The following ELF5 variants were observed in gnomAD, a reference collection of about 807,000 sequenced individuals.
ELF5 encodes ETS-related transcription factor Elf-5.
In ELF5, 31 loss-of-function variants were observed where a neutral mutation model predicts 38.2. That is an observed-to-expected ratio of 0.81 (90% CI 0.61 to 1.10). The LOEUF (loss-of-function observed/expected upper bound fraction) is 1.10. Ranked by LOEUF, ELF5 falls within the 50% of genes least tolerant of loss-of-function variation. The pLI is 0.00. For missense variants in ELF5, 300 were observed against 306.6 expected, an observed-to-expected ratio of 0.98 and a Z score of 0.16; for synonymous variants, 121 against 112.5, an observed-to-expected ratio of 1.08 and a Z score of -0.48.
At chr11:34,507,620 C>T (rs1378558777) in intron 1 of ELF5, among the ~76,000 whole-genome samples, 1 of 152,246 alleles carries the variant, frequency 6.6e-6, no homozygotes, top group Admixed American at 6.5e-5. Context: ...CTCAACTTTG[C>T]TGCTTCCCAT....
At chr11:34,482,544 A>T (rs767640741) in intron 4 of ELF5, 45 bp from the exon 5 acceptor site, 1 of 1,503,468 alleles carries the variant, frequency 6.7e-7, no homozygotes, top group South Asian at 1.2e-5. Flanking sequence ...TATAGAGGCC[A>T]CATTCAGACC....
chr11:34,507,235 AGAC>A (rs1244408636), intron 1 of ELF5, among the ~76,000 whole-genome samples: 1 of 152,224 alleles, frequency 6.6e-6, no homozygotes, highest in African/African-American at 2.4e-5. Context: ...AAGGTTTTGG[AGAC>A]GAGTGTGGAC....
intron 3 of ELF5, among the ~76,000 whole-genome samples, chr11:34,490,846 C>T (rs1850152069): frequency 6.6e-6 from 1 of 152,108 alleles, no homozygotes; most frequent in South Asian, 2.1e-4. Flanking sequence ...TGGTTTTGGT[C>T]AGCCACGCGC....
At position 34,505,725 on chromosome 11, in the gene ELF5, T is replaced by C. The variant is rs781665846; in HGVS notation, c.25A>G (p.Thr9Ala). Residue 9 changes from threonine to alanine, a missense_variant, in exon 2 of 7, where the codon ACC becomes GCC. By Grantham distance (58) the Thr-to-Ala change is moderately conservative. Coordinates refer to ENST00000257832, the MANE Select transcript of ELF5 (RefSeq NM_001422.4). ...CAGAAGGATGCATTAGGCAGGAAGG[T>C]GCTGTGTGTCACCGAGTCCAACATT... MLDSVTHS[T>A]FLPNASFCDP... 7 of 1,613,794 alleles carry C rather than the reference T, an allele frequency of 4.3e-6. 1 individual carries two copies. In the Admixed American group the frequency reaches 1.0e-4, roughly 23 times the overall value.
rs117786432 is a variant in ELF5 at position 34,486,538 on chromosome 11, G to C, written c.406+3471C>G. 9.4e-4 allele frequency among the ~76,000 whole-genome samples: 143 copies of C among 152,350 alleles called. 1 individual carries two copies. The East Asian group carries it at 0.026, about 28-fold the overall frequency. Reference sequence around the variant, plus strand: ...TTAGTGGGCAGCAGAGTGAATAGAAGGGCATGGGAACATGTGTGCCTATGT... The same window carrying C: ...TTAGTGGGCAGCAGAGTGAATAGAACGGCATGGGAACATGTGTGCCTATGT... On this transcript the variant is annotated intron_variant, in intron 4 of 6. Transcript: ENST00000257832.
intron 2 of ELF5, among the ~76,000 whole-genome samples, chr11:34,499,278 G>A (rs1850394116): frequency 3.3e-5 from 5 of 152,098 alleles, no homozygotes; most frequent in Admixed American, 6.5e-5. Context: ...GTCTCACTCT[G>A]TCATCCGGGC....
At chr11:34,484,634 T>G (rs1301307438) in intron 4 of ELF5, among the ~76,000 whole-genome samples, 2 of 152,080 alleles carry the variant, frequency 1.3e-5, no homozygotes, top group Non-Finnish European at 2.9e-5. Context: ...CTGCTTAGGG[T>G]GACCTCTCTC....
In ELF5 at chr11:34,493,249, T is replaced by C. The variant is rs563183125; in HGVS notation, c.355+230A>G. 136 of 602,360 alleles carry C rather than the reference T, an allele frequency of 2.3e-4. No homozygotes were observed. In the African/African-American group the frequency reaches 2.3e-3, roughly 10 times the overall value. The allele number at this position is 602,360 out of a possible 1,614,324, so 37.3% of individuals were successfully genotyped here. ...AGTCCCTGAACGTGGTGTCCGTTTT[T>C]CTTTCTCTTTTTTTAAATGCACTCA... is the stretch of plus-strand genomic sequence containing the variant. On this transcript the variant is annotated intron_variant, in intron 3 of 6. Coordinates refer to ENST00000257832, the MANE Select transcript of ELF5 (RefSeq NM_001422.4).
rs181089870 is a variant in ELF5, at chr11:34,508,422, G to C, written c.-4-2669C>G. On this transcript the variant is annotated intron_variant, in intron 1 of 6. Coordinates refer to ENST00000257832, the MANE Select transcript of ELF5 (RefSeq NM_001422.4). ...GGAGAGTGAGACAGGAGAATCGCTT[G>C]AACCTGGGAGGCAGAGGTTGCAGTG... Among the ~76,000 whole-genome samples the C allele has an allele frequency of 5.4e-3, 821 of 152,116 alleles. 10 individuals carry two copies. Among genetic ancestry groups the C allele is most frequent in the African/African-American group, 0.019 (789 of 41,484 alleles).
chr11:34,482,447 G>A lies in ELF5; in HGVS notation c.459C>T (p.His153=), dbSNP rs1007949298. Residue 153 remains histidine (H), a synonymous_variant, in exon 5 of 7, where the codon CAC becomes CAT. Coordinates refer to ENST00000257832, the MANE Select transcript of ELF5 (RefSeq NM_001422.4). ...KTSGIKSQDC[H]SHSRTSLQSS... Reference sequence around the variant, plus strand: ...TGCACTTACTTGTTCTACTATGACTGTGACAGTCTTGACTTTTGATGCCAC... The same window carrying A: ...TGCACTTACTTGTTCTACTATGACTATGACAGTCTTGACTTTTGATGCCAC... 6 of 1,613,106 alleles carry A rather than the reference G, an allele frequency of 3.7e-6. No homozygotes were observed. Among genetic ancestry groups the A allele is most frequent in the South Asian group, 2.2e-5 (2 of 90,762 alleles).
rs1254827672 is a variant in ELF5, at chr11:34,513,470, G to A, written c.-5+207C>T. 2.0e-5 allele frequency among the ~76,000 whole-genome samples: 3 copies of A among 152,244 alleles called. No individual in the cohort carries two copies. The East Asian group carries it at 5.8e-4, about 29-fold the overall frequency. ...GTGGTGGCTGTGAGGAGGGCTGGTG[G>A]CCACACGGCCTGCGGAGGCAAGCAG... On this transcript the variant is annotated intron_variant, in intron 1 of 6. Transcript: ENST00000257832.
chr11:34,512,399 G>GCAAAGCTTA lies in ELF5; in HGVS notation c.-5+1269_-5+1277dup, dbSNP rs1850782625. On this transcript the variant is annotated intron_variant, in intron 1 of 6. Transcript: ENST00000257832. ...CATGTAGTTTGCTGTAGGCTTCGAT[G>GCAAAGCTTA]CAAAGCTTACCAGTTTTGGATTACA... 2.6e-5 allele frequency among the ~76,000 whole-genome samples: 4 copies of GCAAAGCTTA among 152,266 alleles called. No individual in the cohort carries two copies. The South Asian group carries it at 8.3e-4, about 32-fold the overall frequency.
intron 4 of ELF5, among the ~76,000 whole-genome samples, chr11:34,486,881 A>C (rs1850009182): frequency 6.6e-6 from 1 of 152,216 alleles, no homozygotes; most frequent in African/African-American, 2.4e-5. Flanking sequence ...CCAGGATGCC[A>C]CTTTCCTTAT....
chr11:34,509,615 A>T (rs958106), intron 1 of ELF5, among the ~76,000 whole-genome samples: 52,808 of 125,764 alleles, frequency 0.42, 11,056 homozygotes, highest in African/African-American at 0.63. Context: ...ATCCTGAGTG[A>T]GGGGGGCAGG....
chr11:34,480,285 C>A lies in ELF5; in HGVS notation c.701G>T (p.Arg234Leu). The A allele has an allele frequency of 6.2e-7, 1 of 1,613,934 alleles. No individual in the cohort carries two copies. The highest frequency in any genetic ancestry group is 1.1e-5 in the South Asian group (1 of 91,072). The change falls in exon 7 of 7, where the codon CGG (arginine) becomes CTG (leucine). Residue 234 changes from arginine (R) to leucine (L), a missense_variant. Coordinates refer to ENST00000257832, the MANE Select transcript of ELF5 (RefSeq NM_001422.4). ...TTTGTACACTAACCTTCGGTCAACC[C>A]GCTCCAAAATTCCTGTTTTATAGTA... is the stretch of plus-strand genomic sequence containing the variant. ...RYYYKTGILE[R>L]VDRRLVYKFG...
intron 2 of ELF5, among the ~76,000 whole-genome samples, chr11:34,499,425 G>C (rs969842948): frequency 8.6e-5 from 13 of 151,852 alleles, no homozygotes; most frequent in African/African-American, 2.7e-4. Flanking sequence ...AATTTTGTAG[G>C]AACAGGGTCT....
At chr11:34,510,375 G>T (rs1590345873) in intron 1 of ELF5, among the ~76,000 whole-genome samples, 2 of 149,634 alleles carry the variant, frequency 1.3e-5, no homozygotes, top group Non-Finnish European at 3.0e-5. Flanking sequence ...CTCCACAAAA[G>T]ACCTTGGCTA....
intron 4 of ELF5, among the ~76,000 whole-genome samples, 162 bp downstream of exon 4, chr11:34,489,847 T>C (rs1346761609): frequency 1.3e-5 from 2 of 151,872 alleles, no homozygotes; most frequent in African/African-American, 2.4e-5. Context: ...CCCACGCTCT[T>C]TCTGTCACAC....
At chr11:34,480,338 A>G (rs775882042) in intron 6 of ELF5, 24 bp from the exon 7 acceptor site, 5 of 1,576,192 alleles carry the variant, frequency 3.2e-6, no homozygotes, top group Non-Finnish European at 4.4e-6. Flanking sequence ...CAGAAGAGAA[A>G]TTCTGGGAGA....
Sources: allele counts gnomAD v4.1 joint callset (sites outside exome capture counted in the v4.1 genomes callset), GRCh38; gene constraint gnomAD v4.1.1; transcripts MANE v1.5; gene names NCBI Gene and HGNC (gene_info 2026-07-23, HGNC 2026-07-21).